Variants in GRIN2A observed in about 807,000 individuals in gnomAD.
The protein encoded by GRIN2A is glutamate ionotropic receptor NMDA type subunit 2A, also known as glutamate receptor ionotropic, NMDA 2A.
Under a neutral mutation model 113.4 loss-of-function variants are expected in GRIN2A, and 22 were observed. The observed-to-expected ratio is 0.19, with a 90% CI of 0.14 to 0.28. The LOEUF is 0.28. Among genes scored for constraint, GRIN2A ranks in the 10% least tolerant of loss-of-function variants. GRIN2A has a pLI of 1.00. For missense variants in GRIN2A, 1,502 were observed against 1,887.0 expected, an observed-to-expected ratio of 0.80 and a Z score of 3.78; for synonymous variants, 827 against 738.4, an observed-to-expected ratio of 1.12 and a Z score of -1.94.
At chr16:9,958,021 A>C (rs1291202397) in intron 2 of GRIN2A, among the ~76,000 whole-genome samples, 1 of 152,194 alleles carries the variant, frequency 6.6e-6, no homozygotes, top group Non-Finnish European at 1.5e-5. Flanking sequence ...AAAGAGAGAT[A>C]GTGATAAACT....
chr16:9,818,003 G>A (rs2042216660), intron 10 of GRIN2A, among the ~76,000 whole-genome samples: 1 of 151,876 alleles, frequency 6.6e-6, no homozygotes, highest in Admixed American at 6.6e-5. Context: ...TGCTGGTCGT[G>A]GTAAAGGACG....
chr16:10,155,811 G>C (rs946927548), intron 2 of GRIN2A, among the ~76,000 whole-genome samples: 5 of 152,136 alleles, frequency 3.3e-5, no homozygotes, highest in African/African-American at 9.7e-5. Context: ...ATCAGATCTT[G>C]TGAGACTTAT....
intron 4 of GRIN2A, among the ~76,000 whole-genome samples, chr16:9,877,986 C>A (rs1378177843): frequency 6.6e-6 from 1 of 151,624 alleles, no homozygotes; most frequent in East Asian, 1.9e-4. Flanking sequence ...TTGGTCTATT[C>A]AGGAGTTTCT....
chr16:9,933,412 C>T (rs1596611861), intron 3 of GRIN2A, among the ~76,000 whole-genome samples: 2 of 152,168 alleles, frequency 1.3e-5, no homozygotes, highest in South Asian at 4.1e-4. Context: ...GGCCCCATGA[C>T]TTTGTTCTCA....
At chr16:10,173,838 AAAT>A (rs1567349751) in intron 2 of GRIN2A, among the ~76,000 whole-genome samples, 1 of 152,274 alleles carries the variant, frequency 6.6e-6, no homozygotes, top group Non-Finnish European at 1.5e-5. Context: ...AAGTTTAAAA[AAAT>A]ATATAAAAGC....
rs149698593 is a variant in GRIN2A at position 9,764,881 on chromosome 16, G to C, written c.2663C>G (p.Thr888Arg). The change falls in exon 13 of 13, where the codon ACG becomes AGG. Residue 888 changes from threonine (T) to arginine (R), a missense_variant. Thr to Arg is a moderately conservative substitution (Grantham distance 71). Coordinates refer to ENST00000330684, the MANE Select transcript of GRIN2A (RefSeq NM_001134407.3). The part of the protein sequence containing the change: ...EKKKSPDFNL[T>R]GSQSNMLKLL... ...TTTTAACATGTTGCTCTGGGATCCC[G>C]TCAGATTGAAGTCTGGAGACTTCTT... is the stretch of plus-strand genomic sequence containing the variant. 1.9e-6 allele frequency: 3 copies of C among 1,613,980 alleles called. No individual in the cohort carries two copies. Among genetic ancestry groups the C allele is most frequent in the African/African-American group, 1.3e-5 (1 of 74,910 alleles).
At chr16:10,132,708 C>T (rs1442764257) in intron 2 of GRIN2A, among the ~76,000 whole-genome samples, 1 of 152,170 alleles carries the variant, frequency 6.6e-6, no homozygotes. Context: ...GAATTTAGTA[C>T]GTATGTCCTA....
In GRIN2A at chr16:9,772,456, C is replaced by A. The variant is rs563220222; in HGVS notation, c.2357-3367G>T. On this transcript the variant is annotated intron_variant, in intron 11 of 12. Coordinates refer to ENST00000330684, the MANE Select transcript of GRIN2A (RefSeq NM_001134407.3). Reference sequence around the variant, plus strand: ...GTGCGATCATAACTCACTACAGTAGCAACTTCCTGGGCTCAGGTGATCCTC... The same window carrying A: ...GTGCGATCATAACTCACTACAGTAGAAACTTCCTGGGCTCAGGTGATCCTC... Among the ~76,000 whole-genome samples the A allele has an allele frequency of 2.0e-4, 30 of 152,316 alleles. 1 individual carries two copies. Among genetic ancestry groups the A allele is most frequent in the African/African-American group, 7.2e-4 (30 of 41,560 alleles).
intron 2 of GRIN2A, among the ~76,000 whole-genome samples, chr16:9,992,865 G>A (rs113853971): frequency 4.0e-4 from 61 of 152,168 alleles, no homozygotes; most frequent in African/African-American, 1.2e-3. Context: ...TCTCAGTCTT[G>A]CTTCCAACAC....
intron 3 of GRIN2A, among the ~76,000 whole-genome samples, chr16:9,912,167 G>T (rs1236335995): frequency 6.6e-6 from 1 of 152,104 alleles, no homozygotes; most frequent in East Asian, 1.9e-4. Flanking sequence ...GAAGGAAGAA[G>T]AAGAATGGGG....
chr16:10,024,273 G>C (rs2046779478), intron 2 of GRIN2A, among the ~76,000 whole-genome samples: 1 of 152,200 alleles, frequency 6.6e-6, no homozygotes, highest in South Asian at 2.1e-4. Flanking sequence ...ACCCAGGCTG[G>C]AGTGCAGTGG....
chr16:9,959,049 T>C, intron 2 of GRIN2A, among the ~76,000 whole-genome samples: 1 of 152,170 alleles, frequency 6.6e-6, no homozygotes, highest in East Asian at 1.9e-4. Context: ...ATCTCCCTTT[T>C]AAGTCACTGA....
chr16:9,806,790 A>G (rs1028975345), intron 10 of GRIN2A, among the ~76,000 whole-genome samples: 29 of 151,948 alleles, frequency 1.9e-4, no homozygotes, highest in African/African-American at 7.0e-4. Flanking sequence ...AAAGAGAGAA[A>G]AAGAGGATAG....
chr16:9,922,945 A>C (rs987497468), intron 3 of GRIN2A, among the ~76,000 whole-genome samples: 1 of 152,176 alleles, frequency 6.6e-6, no homozygotes, highest in Non-Finnish European at 1.5e-5. Context: ...ATACATTTGA[A>C]AAATGTGTGT....
At chr16:9,971,219 A>G (rs959043332) in intron 2 of GRIN2A, among the ~76,000 whole-genome samples, 2 of 152,212 alleles carry the variant, frequency 1.3e-5, no homozygotes, top group Non-Finnish European at 2.9e-5. Context: ...TATGTGACCA[A>G]TAGAAAAGCC....
At chr16:10,061,629 G>C (rs549049636) in intron 2 of GRIN2A, among the ~76,000 whole-genome samples, 1 of 152,258 alleles carries the variant, frequency 6.6e-6, no homozygotes, top group Admixed American at 6.5e-5. Context: ...AGAGAGAGGT[G>C]GTGTGATATT....
intron 2 of GRIN2A, among the ~76,000 whole-genome samples, chr16:9,973,380 C>A (rs2045711858): frequency 6.6e-6 from 1 of 152,192 alleles, no homozygotes; most frequent in Non-Finnish European, 1.5e-5. Flanking sequence ...ACAAGGACAA[C>A]TTGGAGGTTA....
chr16:9,857,584 C>A (rs1310238868), intron 4 of GRIN2A, among the ~76,000 whole-genome samples: 1 of 152,196 alleles, frequency 6.6e-6, no homozygotes, highest in Non-Finnish European at 1.5e-5. Context: ...CAAATCCCAG[C>A]TGTACCACTT....
rs140065174 is a variant in GRIN2A at position 10,111,629 on chromosome 16, C to T, written c.414+68369G>A. 1.1e-4 allele frequency: 165 copies of T among 1,460,504 alleles called. No homozygotes were observed. The African/African-American group carries it at 2.0e-3, about 18-fold the overall frequency. The allele number at this position is 1,460,504 out of a possible 1,614,324, so 90.5% of individuals were successfully genotyped here. A position where few individuals can be genotyped will look rare whatever the true frequency, so the allele number is the denominator to read the frequency against. On this transcript the variant is annotated intron_variant, in intron 2 of 12. Transcript: ENST00000330684. ...GAGGCCGACATGGCCATCGCGATGG[C>T]TCTGATGGGAGGTATTGGTTTCATT...
Sources: allele counts gnomAD v4.1 joint callset (sites outside exome capture counted in the v4.1 genomes callset), GRCh38; gene constraint gnomAD v4.1.1; transcripts MANE v1.5; gene names NCBI Gene and HGNC (gene_info 2026-07-23, HGNC 2026-07-21).